HERC5: variants seen among roughly 807,000 people sequenced by gnomAD.
HERC5 encodes the protein HECT and RLD domain containing E3 ubiquitin protein ligase 5.
In HERC5, 99 loss-of-function variants were observed where a neutral mutation model predicts 119.6. That is an observed-to-expected ratio of 0.83 (90% CI 0.70 to 0.98). The LOEUF (loss-of-function observed/expected upper bound fraction) is 0.98, where lower values mean the gene tolerates loss of function less well. HERC5 is among the 50% of genes least tolerant of loss of function. The pLI, the probability that HERC5 is intolerant of heterozygous loss-of-function variation, is 0.00. For synonymous variants in HERC5, 478 were observed against 445.9 expected, an observed-to-expected ratio of 1.07 and a Z score of -0.91; for missense variants, 1,267 against 1,241.3, an observed-to-expected ratio of 1.02 and a Z score of -0.31.
In HERC5 at chr4:88,504,270, A is replaced by G. The variant is rs529055995; in HGVS notation, c.2621A>G (p.Asn874Ser). ...YVSKYINYIF[N>S]DSVKAVYEEF... ...TCTAAGTATATCAATTACATTTTCAACGACTCTGTAAAGGCGGTTTATGAA... is the reference window on the plus strand; with the variant it reads ...TCTAAGTATATCAATTACATTTTCAGCGACTCTGTAAAGGCGGTTTATGAA... Residue 874 changes from asparagine (N) to serine (S), a missense_variant, in exon 21 of 23, where the codon AAC becomes AGC. Physicochemically the swap from Asn to Ser is conservative, Grantham distance 46 (BLOSUM62 1). This residue lies in a region of HERC5 where 473 missense variants were observed against 445.7 expected (regional missense o/e 1.06). Transcript: ENST00000264350. 6.2e-7 allele frequency: 1 copy of G among 1,608,680 alleles called. No individual in the cohort carries two copies. The highest frequency in any genetic ancestry group is 1.1e-5 in the South Asian group (1 of 90,302).
chr4:88,462,178 T>G lies in HERC5; in HGVS notation c.510T>G (p.Leu170=), dbSNP rs1197410844. The G allele has an allele frequency of 6.2e-7, 1 of 1,614,042 alleles. No individual in the cohort carries two copies. The highest frequency in any genetic ancestry group is 2.2e-5 in the East Asian group (1 of 44,900). The change falls in exon 4 of 23, where the codon CTT becomes CTG. Residue 170 remains leucine, a synonymous_variant. Coordinates refer to ENST00000264350, the MANE Select transcript of HERC5 (RefSeq NM_016323.4). ...GGGGACAGAACCTGCATGGGCAGCT[T>G]GGAGTTGGAAGGAAATTTCCCTCAA... ...FAWGQNLHGQ[L]GVGRKFPSTT... is the part of the protein sequence containing the mutation.
chr4:88,463,783 C>A (rs1457838547), intron 5 of HERC5, 72 bp from the exon 6 acceptor site: 6 of 1,535,488 alleles, frequency 3.9e-6, no homozygotes, highest in South Asian at 1.2e-5. Flanking sequence ...ATTAGTGATT[C>A]ACTTTGCATC....
At chr4:88,459,511 A>C in intron 2 of HERC5, 41 bp downstream of exon 2, 1 of 1,197,524 alleles carries the variant, frequency 8.4e-7, no homozygotes. Flanking sequence ...AATTTTAATC[A>C]AAAGACAATA....
At chr4:88,504,018 G>T (rs1007229273) in intron 20 of HERC5, among the ~76,000 whole-genome samples, 4 of 151,120 alleles carry the variant, frequency 2.6e-5, no homozygotes, top group African/African-American at 9.8e-5. Context: ...AATAAGCTAA[G>T]ATCGCACCAC....
rs1348973211 is a variant in HERC5 at position 88,505,857 on chromosome 4, C to A, written c.3054C>A (p.Asn1018Lys). 4 of 1,611,602 alleles carry A rather than the reference C, an allele frequency of 2.5e-6. No individual in the cohort carries two copies. The East Asian group carries it at 8.9e-5, about 36-fold the overall frequency. ...TVEEALQEAI[N>K]NNRGFG ...AAGAAGCGCTTCAAGAAGCCATCAA[C>A]AACAACAGAGGATTTGGCTGACCAG... is the stretch of plus-strand genomic sequence containing the variant. Residue 1018 changes from asparagine to lysine, a missense_variant, in exon 23 of 23, where the codon AAC (asparagine) becomes AAA (lysine). Coordinates refer to ENST00000264350, the MANE Select transcript of HERC5 (RefSeq NM_016323.4).
chr4:88,485,674 G>T (rs570453463), intron 13 of HERC5, among the ~76,000 whole-genome samples: 1 of 152,052 alleles, frequency 6.6e-6, no homozygotes, highest in Non-Finnish European at 1.5e-5. Context: ...TAATAACCCT[G>T]ATCATATCAT....
chr4:88,467,036 C>T (rs1236341956), intron 6 of HERC5, 23 bp from the exon 7 acceptor site: 1 of 1,612,212 alleles, frequency 6.2e-7, no homozygotes, highest in Non-Finnish European at 8.5e-7. Flanking sequence ...TAAGAATTGA[C>T]CATATGTGCT....
intron 7 of HERC5, among the ~76,000 whole-genome samples, 153 bp downstream of exon 7, chr4:88,467,357 G>C (rs1740707732): frequency 6.6e-6 from 1 of 152,178 alleles, no homozygotes; most frequent in African/African-American, 2.4e-5. Flanking sequence ...CAATTCAAGA[G>C]TCAGTCTAAT....
At position 88,460,114 on chromosome 4, in the gene HERC5, G is replaced by GA. The variant is rs770854785; in HGVS notation, c.418dup (p.Ile140AsnfsTer19). On this transcript the variant is annotated frameshift_variant, in exon 3 of 23. Transcript: ENST00000264350. LOFTEE classifies it high-confidence loss of function. ...CATCAGGTTTGAAAGCATTTTACAA[G>GA]AAAAAAAAATAATTCAGATCACATG... is the stretch of plus-strand genomic sequence containing the variant. The GA allele has an allele frequency of 8.0e-4, 1,232 of 1,544,880 alleles. No homozygotes were observed. Among genetic ancestry groups the GA allele is most frequent in the Non-Finnish European group, 9.1e-4 (1,027 of 1,126,082 alleles).
intron 13 of HERC5, among the ~76,000 whole-genome samples, chr4:88,482,674 C>T (rs1741318665): frequency 6.6e-6 from 1 of 152,202 alleles, no homozygotes; most frequent in Non-Finnish European, 1.5e-5. Context: ...TCCCCCTGGC[C>T]CTGCAGACCC....
chr4:88,467,892 C>A, intron 7 of HERC5: 2 of 984,754 alleles, frequency 2.0e-6, no homozygotes, highest in Non-Finnish European at 2.4e-6. Flanking sequence ...AAAATCTACT[C>A]ATTTCTTGTA....
chr4:88,466,504 C>A (rs1011988942), intron 6 of HERC5, among the ~76,000 whole-genome samples: 1 of 152,172 alleles, frequency 6.6e-6, no homozygotes, highest in African/African-American at 2.4e-5. Context: ...AGAGCTCTCC[C>A]AGGATCCTGC....
intron 9 of HERC5, among the ~76,000 whole-genome samples, chr4:88,469,916 C>T (rs1009940619): frequency 6.6e-6 from 1 of 152,142 alleles, no homozygotes. Flanking sequence ...TATTGTGACT[C>T]TCTGGCCAGA....
chr4:88,463,468 G>T (rs1740521842), intron 4 of HERC5, 64 bp from the exon 5 acceptor site: 8 of 1,050,902 alleles, frequency 7.6e-6, no homozygotes, highest in Non-Finnish European at 1.2e-5. Flanking sequence ...AGCAGTCCAG[G>T]TAACTCCACT....
intron 13 of HERC5, among the ~76,000 whole-genome samples, chr4:88,481,823 A>G (rs1051651668): frequency 6.6e-6 from 1 of 152,242 alleles, no homozygotes; most frequent in East Asian, 1.9e-4. Flanking sequence ...TGCCCTAGAT[A>G]GTATTCTAAG....
At position 88,490,269 on chromosome 4, in the gene HERC5, A is replaced by G. The variant is rs1391864412; in HGVS notation, c.2133+933A>G. ...TATACCTAATTTTTTAACCCTTTCAACAACATTATGTGGCAGATTCTGTTT... is the reference window on the plus strand; with the variant it reads ...TATACCTAATTTTTTAACCCTTTCAGCAACATTATGTGGCAGATTCTGTTT... On this transcript the variant is annotated intron_variant, in intron 16 of 22. Transcript: ENST00000264350. 2.6e-5 allele frequency among the ~76,000 whole-genome samples: 4 copies of G among 152,136 alleles called. No homozygotes were observed. The East Asian group carries it at 7.7e-4, about 29-fold the overall frequency.
chr4:88,463,693 C>T, intron 5 of HERC5, 70 bp downstream of exon 5: 2 of 1,467,024 alleles, frequency 1.4e-6, no homozygotes, highest in South Asian at 1.2e-5. Flanking sequence ...TTAGTGTTTC[C>T]CAGAGAAGAA....
In HERC5 at chr4:88,504,344, T is replaced by A. The variant is rs1355511532; in HGVS notation, c.2695T>A (p.Leu899Ile). The A allele has an allele frequency of 6.2e-7, 1 of 1,613,020 alleles. No individual in the cohort carries two copies. Among genetic ancestry groups the A allele is most frequent in the Non-Finnish European group, 8.5e-7 (1 of 1,179,236 alleles). The change falls in exon 21 of 23, where the codon TTA becomes ATA. Residue 899 changes from leucine (L) to isoleucine (I), a missense_variant. Around this residue, in one of 3 missense-constraint regions of HERC5, gnomAD observed 473 missense variants for 445.7 expected, o/e 1.06. Coordinates refer to ENST00000264350, the MANE Select transcript of HERC5 (RefSeq NM_016323.4). ...YKMCDEDIIK[L>I]FHPEELKDVI... ...AATGTGCGACGAAGACATTATCAAA[T>A]TATTCCACCCCGAAGAACTGAAGGA...
chr4:88,471,929 C>CTT (rs1740882727), intron 10 of HERC5, among the ~76,000 whole-genome samples: 1 of 150,434 alleles, frequency 6.6e-6, no homozygotes, highest in African/African-American at 2.5e-5. Flanking sequence ...TATGGCCCGC[C>CTT]CTTCTTCCCT....
Sources: allele counts gnomAD v4.1 joint callset (sites outside exome capture counted in the v4.1 genomes callset), GRCh38; gene constraint gnomAD v4.1.1; regional missense constraint gnomAD v4.1.1; transcripts MANE v1.5; gene names NCBI Gene and HGNC (gene_info 2026-07-23, HGNC 2026-07-21).